The following CCDC180 variants were observed in gnomAD, a reference collection of about 807,000 sequenced individuals.
The protein encoded by CCDC180 is coiled-coil domain containing 180, also known as coiled-coil domain-containing protein 180.
CCDC180 carries 154 observed loss-of-function variants against 209.2 expected under a neutral mutation model. That is an observed-to-expected ratio of 0.74 (90% CI 0.65 to 0.84). The LOEUF is 0.84. CCDC180 is among the 40% of genes least tolerant of loss of function. The probability of loss-of-function intolerance (pLI) is 0.00; values close to 1 mark genes in which losing one functional copy is unlikely to be tolerated. For synonymous variants in CCDC180, 778 were observed against 749.1 expected (o/e 1.04, Z -0.63); for missense variants, 1,874 against 1,997.3 (o/e 0.94, Z 1.18).
At chr9:97,332,681 T>C (rs1335919141) in intron 18 of CCDC180, among the ~76,000 whole-genome samples, 1 of 152,144 alleles carries the variant, frequency 6.6e-6, no homozygotes, top group Non-Finnish European at 1.5e-5. Flanking sequence ...GCTTAGATGT[T>C]GTTGGTGTGT....
At chr9:97,331,290 G>A (rs892383733) in intron 18 of CCDC180, among the ~76,000 whole-genome samples, 2 of 152,096 alleles carry the variant, frequency 1.3e-5, no homozygotes, top group African/African-American at 2.4e-5. Context: ...TGGTTTATAT[G>A]TACCACATTT....
chr9:97,321,767 C>T (rs1020360954), intron 11 of CCDC180, among the ~76,000 whole-genome samples: 7 of 152,088 alleles, frequency 4.6e-5, no homozygotes, highest in African/African-American at 1.7e-4. Flanking sequence ...GGTTCAGGAT[C>T]GTGGAAACAT....
intron 11 of CCDC180, among the ~76,000 whole-genome samples, chr9:97,321,356 A>G (rs1833352799): frequency 6.6e-6 from 1 of 152,214 alleles, no homozygotes; most frequent in African/African-American, 2.4e-5. Context: ...TCATCTCCTT[A>G]GAGGATAACA....
intron 34 of CCDC180, 122 bp from the exon 35 acceptor site, chr9:97,374,421 C>A (rs1827185266): frequency 1.4e-6 from 1 of 704,804 alleles, no homozygotes; most frequent in Non-Finnish European, 2.4e-6. Context: ...GCTCAGCCTG[C>A]CATAACTCCA....
chr9:97,321,238 G>A (rs2118606533), intron 11 of CCDC180, among the ~76,000 whole-genome samples: 1 of 152,282 alleles, frequency 6.6e-6, no homozygotes. Flanking sequence ...AGCTTATGGT[G>A]GATTTATTGG....
chr9:97,344,315 C>G (rs1007034817), intron 19 of CCDC180, among the ~76,000 whole-genome samples: 1 of 152,134 alleles, frequency 6.6e-6, no homozygotes, highest in African/African-American at 2.4e-5. Flanking sequence ...AGGCTGGAGA[C>G]AAGGAATGAA....
At position 97,323,979 on chromosome 9, in the gene CCDC180, A is replaced by C. The variant is rs975934163; in HGVS notation, c.1371+76A>C. ...CCCGGGGTTGCTGGGCTGTAGGGAG[A>C]GTCCAAGAACTCCAACTTGCATGTT... On this transcript the variant is annotated intron_variant, in intron 13 of 36. Coordinates refer to ENST00000529487, the MANE Select transcript of CCDC180 (RefSeq NM_020893.6). 8 of 1,504,532 alleles carry C rather than the reference A, an allele frequency of 5.3e-6. No homozygotes were observed. The South Asian group carries it at 1.0e-4, about 19-fold the overall frequency. The allele number at this position is 1,504,532 out of a possible 1,614,324, so 93.2% of individuals were successfully genotyped here.
At chr9:97,329,586 C>T (rs1825665832) in intron 16 of CCDC180, among the ~76,000 whole-genome samples, 1 of 152,126 alleles carries the variant, frequency 6.6e-6, no homozygotes, top group South Asian at 2.1e-4. Flanking sequence ...CAGATCACTG[C>T]CAAAAAATAT....
chr9:97,321,562 T>G (rs960781685), intron 11 of CCDC180, among the ~76,000 whole-genome samples: 8 of 152,350 alleles, frequency 5.3e-5, no homozygotes, highest in African/African-American at 1.9e-4. Flanking sequence ...AGAGTGTTTC[T>G]GTATGAGCCA....
chr9:97,338,412 G>A (rs1016723454), intron 18 of CCDC180, among the ~76,000 whole-genome samples: 4 of 152,058 alleles, frequency 2.6e-5, no homozygotes, highest in East Asian at 1.9e-4. Context: ...CCTTCATTTC[G>A]TTATTTACCT....
At position 97,330,336 on chromosome 9, in the gene CCDC180, C is replaced by T; in HGVS notation, c.1843C>T (p.Pro615Ser). 2 of 1,613,158 alleles carry T rather than the reference C, an allele frequency of 1.2e-6. No homozygotes were observed. The highest frequency in any genetic ancestry group is 1.1e-5 in the South Asian group (1 of 91,018). ...KFRQPEAHEKPSQKRVKKLRK... is the reference protein window; with the variant it reads ...KFRQPEAHEKSSQKRVKKLRK... ...ATCATCAACAGAAGCACATGAAAAA[C>T]CCTCCCAGAAGAGAGTGAAAAAACT... Residue 615 changes from proline to serine, a missense_variant, in exon 18 of 37, where the codon CCC becomes TCC. Transcript: ENST00000529487.
intron 28 of CCDC180, 115 bp downstream of exon 28, chr9:97,362,556 G>T: frequency 6.9e-7 from 1 of 1,448,834 alleles, no homozygotes; most frequent in Non-Finnish European, 9.2e-7. Context: ...AATGCTCATG[G>T]CTCTGGGACT....
chr9:97,359,351 GGTGAGGATCAT>G (rs949439591), intron 25 of CCDC180, among the ~76,000 whole-genome samples: 54 of 152,352 alleles, frequency 3.5e-4, no homozygotes, highest in African/African-American at 1.3e-3. Context: ...CTCCCAGCCA[GGTGAGGATCAT>G]GTGAGCATGG....
chr9:97,317,484 T>C (rs895831251), intron 9 of CCDC180, among the ~76,000 whole-genome samples: 5 of 152,172 alleles, frequency 3.3e-5, no homozygotes, highest in African/African-American at 1.2e-4. Flanking sequence ...GTATATGCAG[T>C]TTCATATTTT....
chr9:97,342,167 C>G (rs10981701), intron 18 of CCDC180, among the ~76,000 whole-genome samples: 22,703 of 152,280 alleles, frequency 0.15, 2,252 homozygotes, highest in East Asian at 0.3. Context: ...TCGGCTCACC[C>G]TCCGTGGGCT....
chr9:97,345,257 C>T (rs1057277465), intron 19 of CCDC180, among the ~76,000 whole-genome samples: 3 of 152,060 alleles, frequency 2.0e-5, no homozygotes, highest in Non-Finnish European at 4.4e-5. Context: ...TGTCCATATC[C>T]GTCTTTAGGA....
chr9:97,314,301 A>T (rs1833083850), intron 5 of CCDC180, 92 bp from the exon 6 acceptor site: 2 of 1,489,092 alleles, frequency 1.3e-6, no homozygotes, highest in Non-Finnish European at 1.9e-6. Flanking sequence ...TTTGAGATAG[A>T]ACCATGCCTG....
At chr9:97,375,992 G>C (rs1452653947) in intron 36 of CCDC180, 1 of 202,116 alleles carries the variant, frequency 4.9e-6, no homozygotes, top group African/African-American at 2.3e-5. Context: ...CTTACTGAGA[G>C]CTTCTGCTCT....
At chr9:97,314,284 C>T in intron 5 of CCDC180, 109 bp from the exon 6 acceptor site, 5 of 1,349,580 alleles carry the variant, frequency 3.7e-6, no homozygotes, top group Non-Finnish European at 4.2e-6. Flanking sequence ...AGGCAATGAT[C>T]ATCATTTTTG....
Sources: gnomAD v4.1 joint callset for allele counts (sites outside exome capture counted in the v4.1 genomes callset) on GRCh38, gnomAD v4.1.1 for gene constraint, MANE v1.5 for transcripts, NCBI Gene and HGNC (gene_info 2026-07-23, HGNC 2026-07-21) for gene names.